IL1RAPL1: variants seen among roughly 807,000 people sequenced by gnomAD.
The protein encoded by IL1RAPL1 is interleukin-1 receptor accessory protein-like 1.
Under a neutral mutation model 48.4 loss-of-function variants are expected in IL1RAPL1, and 3 were observed. That is an observed-to-expected ratio of 0.06 (90% confidence interval 0.03 to 0.16). The LOEUF is 0.16. IL1RAPL1 is among the 10% of genes least tolerant of loss of function. The pLI is 1.00. For missense variants in IL1RAPL1, 349 were observed against 530.6 expected (o/e 0.66, Z 3.36); for synonymous variants, 185 against 187.7 (o/e 0.99, Z 0.12).
intron 5 of IL1RAPL1, among the ~76,000 whole-genome samples, chrX:29,625,528 C>A (rs774810128): frequency 9.0e-6 from 1 of 111,677 alleles, no homozygotes; most frequent in Non-Finnish European, 1.9e-5. Flanking sequence ...AATGTTTGGT[C>A]TTGATTTAGC....
At chrX:29,234,093 C>T (rs936891847) in intron 2 of IL1RAPL1, among the ~76,000 whole-genome samples, 1 of 112,029 alleles carries the variant, frequency 8.9e-6, no homozygotes, top group Non-Finnish European at 1.9e-5. Flanking sequence ...GTGGCTGGCA[C>T]CTCAATACTG....
At chrX:28,861,427 A>T (rs1419718106) in intron 2 of IL1RAPL1, among the ~76,000 whole-genome samples, 2 of 112,225 alleles carry the variant, frequency 1.8e-5, no homozygotes, top group Admixed American at 9.5e-5. Flanking sequence ...AGGGCAAAAC[A>T]TGATGGGACC....
chrX:28,609,228 G>A (rs1934118755), intron 1 of IL1RAPL1, among the ~76,000 whole-genome samples: 1 of 111,651 alleles, frequency 9.0e-6, no homozygotes, highest in Admixed American at 9.5e-5. Flanking sequence ...CAAAGTAGCT[G>A]CTTGAATACG....
intron 6 of IL1RAPL1, among the ~76,000 whole-genome samples, chrX:29,823,625 A>C (rs953466336): frequency 6.2e-5 from 7 of 112,230 alleles, no homozygotes; most frequent in Non-Finnish European, 1.3e-4. Context: ...TTTCTATAAA[A>C]TAATTAGTTT....
intron 5 of IL1RAPL1, among the ~76,000 whole-genome samples, chrX:29,493,462 G>A (rs1040932617): frequency 1.8e-5 from 2 of 111,665 alleles, no homozygotes; most frequent in Non-Finnish European, 3.8e-5. Flanking sequence ...TACCGTTAAG[G>A]AATATCTCTT....
At chrX:29,954,324 A>G (rs750850754) in intron 9 of IL1RAPL1, among the ~76,000 whole-genome samples, 198 bp from the exon 10 acceptor site, 14 of 109,863 alleles carry the variant, frequency 1.3e-4, no homozygotes, top group Non-Finnish European at 2.3e-4. Context: ...CACAACAACA[A>G]ATCAAAATTC....
chrX:29,885,088 C>T (rs1344658819), intron 6 of IL1RAPL1, among the ~76,000 whole-genome samples: 1 of 111,482 alleles, frequency 9.0e-6, no homozygotes, highest in East Asian at 2.8e-4. Context: ...TATGCCACAA[C>T]AGCCCCACTG....
intron 5 of IL1RAPL1, among the ~76,000 whole-genome samples, chrX:29,436,997 A>C (rs1356587180): frequency 9.0e-6 from 1 of 110,723 alleles, no homozygotes; most frequent in Admixed American, 9.6e-5. Context: ...GACAAGCAGA[A>C]TATTTCACAG....
At chrX:29,907,629 T>TG (rs1932663604) in intron 6 of IL1RAPL1, among the ~76,000 whole-genome samples, 1 of 112,071 alleles carries the variant, frequency 8.9e-6, no homozygotes, top group African/African-American at 3.2e-5. Flanking sequence ...AACATGATGT[T>TG]GTTTTTTTAT....
chrX:29,604,649 G>A (rs1923829845), intron 5 of IL1RAPL1, among the ~76,000 whole-genome samples: 3 of 111,044 alleles, frequency 2.7e-5, no homozygotes, highest in Admixed American at 9.6e-5. Flanking sequence ...CCTGTTAGTG[G>A]CATATTAGTA....
intron 2 of IL1RAPL1, among the ~76,000 whole-genome samples, chrX:29,240,214 A>G (rs1602129784): frequency 7.8e-5 from 2 of 25,707 alleles, no homozygotes; most frequent in African/African-American, 4.3e-4. Context: ...ATATATATAT[A>G]TATATATATA....
chrX:28,838,322 T>C (rs1283620541), intron 2 of IL1RAPL1, among the ~76,000 whole-genome samples: 1 of 111,347 alleles, frequency 9.0e-6, no homozygotes, highest in Non-Finnish European at 1.9e-5. Context: ...TGTAATTCCC[T>C]GGCCAGTATA....
chrX:29,069,878 T>C (rs1426286355), intron 2 of IL1RAPL1, among the ~76,000 whole-genome samples: 4 of 111,852 alleles, frequency 3.6e-5, no homozygotes, highest in Non-Finnish European at 7.5e-5. Flanking sequence ...TGCCATCAAG[T>C]TAACACATGG....
At chrX:29,129,837 G>C (rs1300468068) in intron 2 of IL1RAPL1, among the ~76,000 whole-genome samples, 1 of 109,238 alleles carries the variant, frequency 9.2e-6, no homozygotes, top group African/African-American at 3.3e-5. Flanking sequence ...CTCATGATCC[G>C]CCCGCCTCGG....
rs72625533 is a variant in IL1RAPL1, at chrX:29,517,106, A to G, written c.703+117798A>G. ...TACCTATGATCAAACGAAGCCCTTAATTTAATCACATTTATTATCTTTTTC... is the reference window on the plus strand; with the variant it reads ...TACCTATGATCAAACGAAGCCCTTAGTTTAATCACATTTATTATCTTTTTC... On this transcript the variant is annotated intron_variant, in intron 5 of 10. Coordinates refer to ENST00000378993, the MANE Select transcript of IL1RAPL1 (RefSeq NM_014271.4). Among the ~76,000 whole-genome samples the G allele has an allele frequency of 6.4e-4, 71 of 111,052 alleles. 1 individual carries two copies. In the East Asian group the frequency reaches 0.017, roughly 27 times the overall value.
chrX:29,152,788 G>A (rs1929493239), intron 2 of IL1RAPL1, among the ~76,000 whole-genome samples: 1 of 111,754 alleles, frequency 8.9e-6, no homozygotes, highest in African/African-American at 3.3e-5. Context: ...TAGTAACCAG[G>A]GAATAATAGC....
chrX:29,605,118 AC>A (rs1483518146), intron 5 of IL1RAPL1, among the ~76,000 whole-genome samples: 49 of 97,144 alleles, frequency 5.0e-4, no homozygotes, highest in African/African-American at 1.8e-3. Flanking sequence ...ACACACACAC[AC>A]ACACACACGG....
Position 29,453,521 on chromosome X carries a change from C to T in IL1RAPL1, c.703+54213C>T, listed in dbSNP as rs1040834411. Reference sequence around the variant, plus strand: ...CCATTACCAATTACTGTAACCGCAGCATTACACAGGGAGAAATATGACTGT... The same window carrying T: ...CCATTACCAATTACTGTAACCGCAGTATTACACAGGGAGAAATATGACTGT... On this transcript the variant is annotated intron_variant, in intron 5 of 10. Coordinates refer to ENST00000378993, the MANE Select transcript of IL1RAPL1 (RefSeq NM_014271.4). Among the ~76,000 whole-genome samples, 8 of 111,481 alleles carry T rather than the reference C, an allele frequency of 7.2e-5. No individual in the cohort carries two copies. The South Asian group carries it at 1.1e-3, about 16-fold the overall frequency.
At chrX:28,608,720 A>G (rs1934113364) in intron 1 of IL1RAPL1, among the ~76,000 whole-genome samples, 1 of 111,948 alleles carries the variant, frequency 8.9e-6, no homozygotes, top group African/African-American at 3.2e-5. Context: ...AAAAAATGTA[A>G]CATATGAGGA....
Sources: gnomAD v4.1 joint callset for allele counts (sites outside exome capture counted in the v4.1 genomes callset) on GRCh38, gnomAD v4.1.1 for gene constraint, MANE v1.5 for transcripts, NCBI Gene and HGNC (gene_info 2026-07-23, HGNC 2026-07-21) for gene names.